The following IFITM1 variants were observed in gnomAD, a reference collection of about 807,000 sequenced individuals.
The protein encoded by IFITM1 is interferon induced transmembrane protein 1.
Under a neutral mutation model 4.0 loss-of-function variants are expected in IFITM1, and 1 was observed. The ratio of observed to expected loss-of-function variants is 0.25; its 90% CI spans 0.09 to 1.18. The LOEUF is 1.18. Among genes scored for constraint, IFITM1 ranks in the 50% most tolerant of loss-of-function variants. The probability of loss-of-function intolerance (pLI) is 0.50; values close to 1 mark genes in which losing one functional copy is unlikely to be tolerated. For synonymous variants in IFITM1, 79 were observed against 69.7 expected (o/e 1.13, Z -0.67); for missense variants, 131 against 163.2 (o/e 0.80, Z 1.08).
Position 315,161 on chromosome 11 carries a change from C to T in IFITM1, c.*48C>T, listed in dbSNP as rs1034069442. The T allele has an allele frequency of 6.3e-7, 1 of 1,584,176 alleles. No homozygotes were observed. Among genetic ancestry groups the T allele is most frequent in the African/African-American group, 1.3e-5 (1 of 74,428 alleles). ...TTTGCACTCCACTGTGCAATGCTGGCCCTGCACGCTGGGGCTGTTGCCCCT... is the reference window on the plus strand; with the variant it reads ...TTTGCACTCCACTGTGCAATGCTGGTCCTGCACGCTGGGGCTGTTGCCCCT... On this transcript the variant is annotated 3_prime_UTR_variant, in exon 2 of 2. Coordinates refer to ENST00000408968, the MANE Select transcript of IFITM1 (RefSeq NM_003641.5).
chr11:314,270 C>T lies in IFITM1; in HGVS notation c.100C>T (p.Pro34Ser), dbSNP rs377178214. Reference sequence around the variant, plus strand: ...CAACATCCACAGCGAGACCTCCGTGCCCGACCATGTCGTCTGGTCCCTGTT... The same window carrying T: ...CAACATCCACAGCGAGACCTCCGTGTCCGACCATGTCGTCTGGTCCCTGTT... ...VINIHSETSVPDHVVWSLFNT... is the reference protein window; with the variant it reads ...VINIHSETSVSDHVVWSLFNT... The change falls in exon 1 of 2, where the codon CCC becomes TCC. Residue 34 changes from proline (P) to serine (S), a missense_variant. Around this residue, in one of 3 missense-constraint regions of IFITM1, gnomAD observed 77 missense variants for 80.1 expected, o/e 0.96. Transcript: ENST00000408968. This position sits in a 1 kb window ranked among gnomAD's most constrained non-coding sequence, Gnocchi z 4.5. 6.2e-7 allele frequency: 1 copy of T among 1,613,940 alleles called. No individual in the cohort carries two copies. Among genetic ancestry groups the T allele is most frequent in the African/African-American group, 1.3e-5 (1 of 75,020 alleles).
Position 314,079 on chromosome 11 carries a change from C to G in IFITM1, c.-92C>G. The G allele has an allele frequency of 9.0e-7, 1 of 1,105,714 alleles. No homozygotes were observed. The allele number at this position is 1,105,714 out of a possible 1,614,324, so 68.5% of individuals were successfully genotyped here. On this transcript the variant is annotated 5_prime_UTR_variant, in exon 1 of 2. Transcript: ENST00000408968. The surrounding 1 kb of genome is among the most constrained non-coding windows in gnomAD (Gnocchi z 4.5). ...AAGGAGGTCTCACTGAGCACCGTCC[C>G]AGCATCCGGACACCACAGCGGCCCT... is the stretch of plus-strand genomic sequence containing the variant.
chr11:314,765 CAGA>C lies in IFITM1; in HGVS notation c.187-154_187-152del, dbSNP rs917926901. 2.0e-5 allele frequency among the ~76,000 whole-genome samples: 3 copies of C among 152,228 alleles called. No individual in the cohort carries two copies. The highest frequency in any genetic ancestry group is 7.2e-5 in the African/African-American group (3 of 41,460). On this transcript the variant is annotated intron_variant, in intron 1 of 1. Transcript: ENST00000408968. This position sits in a 1 kb window ranked among gnomAD's most constrained non-coding sequence, Gnocchi z 4.5. Reference sequence around the variant, plus strand: ...AGAACAGCCTGTGCTGGGGCCAAGGCAGAAGGAGGATGAGCCCCGAGGCTCCTG... The same window carrying C: ...AGAACAGCCTGTGCTGGGGCCAAGGCAGGAGGATGAGCCCCGAGGCTCCTG...
rs767903342 is a variant in IFITM1 at position 314,360 on chromosome 11, C to T, written c.186+4C>T. On this transcript the variant is annotated splice_donor_region_variant and intron_variant, in intron 1 of 1. Transcript: ENST00000408968. This position sits in a 1 kb window ranked among gnomAD's most constrained non-coding sequence, Gnocchi z 4.5. ...AGCATTCGCCTACTCCGTGAAGGTGCGTATGGCCCTGGCGGAAATCCAGGG... is the reference window on the plus strand; with the variant it reads ...AGCATTCGCCTACTCCGTGAAGGTGTGTATGGCCCTGGCGGAAATCCAGGG... 2.0e-5 allele frequency: 32 copies of T among 1,613,676 alleles called. No homozygotes were observed. The highest frequency in any genetic ancestry group is 3.3e-4 in the Middle Eastern group (2 of 6,078).
chr11:314,431 G>A lies in IFITM1; in HGVS notation c.186+75G>A. The stretch of plus-strand genomic sequence containing the variant: ...TCCACCTGCCCACATGCTGCCTGGG[G>A]TGGGGACTTGTGTGTCCCTGTGACT... On this transcript the variant is annotated intron_variant, in intron 1 of 1. Transcript: ENST00000408968. The surrounding 1 kb of genome is among the most constrained non-coding windows in gnomAD (Gnocchi z 4.5). 1 of 1,543,192 alleles carries A rather than the reference G, an allele frequency of 6.5e-7. No homozygotes were observed. The highest frequency in any genetic ancestry group is 8.9e-7 in the Non-Finnish European group (1 of 1,119,966).
chr11:315,143 T>C lies in IFITM1; in HGVS notation c.*30T>C. ...CGCCCATAGCCTGCAACCTTTGCAC[T>C]CCACTGTGCAATGCTGGCCCTGCAC... On this transcript the variant is annotated 3_prime_UTR_variant, in exon 2 of 2. Coordinates refer to ENST00000408968, the MANE Select transcript of IFITM1 (RefSeq NM_003641.5). The C allele has an allele frequency of 6.2e-7, 1 of 1,602,952 alleles. No homozygotes were observed. Among genetic ancestry groups the C allele is most frequent in the Non-Finnish European group, 8.5e-7 (1 of 1,170,686 alleles).
chr11:314,176 C>T lies in IFITM1; in HGVS notation c.6C>T (p.His2=), dbSNP rs1412725535. M[H]KEEHEVAVLG... ...TCCTTCCCCAAAGCCAGAAGATGCA[C>T]AAGGAGGAACATGAGGTGGCTGTGC... The change falls in exon 1 of 2, where the codon CAC becomes CAT. Residue 2 remains histidine, a synonymous_variant. Coordinates refer to ENST00000408968, the MANE Select transcript of IFITM1 (RefSeq NM_003641.5). The surrounding 1 kb of genome is among the most constrained non-coding windows in gnomAD (Gnocchi z 4.5). 1 of 1,613,782 alleles carries T rather than the reference C, an allele frequency of 6.2e-7. No individual in the cohort carries two copies. Among genetic ancestry groups the T allele is most frequent in the East Asian group, 2.2e-5 (1 of 44,894 alleles).
chr11:314,805 C>T lies in IFITM1; in HGVS notation c.187-117C>T, dbSNP rs919986256. 1.4e-6 allele frequency: 2 copies of T among 1,468,226 alleles called. No homozygotes were observed. The highest frequency in any genetic ancestry group is 9.4e-7 in the Non-Finnish European group (1 of 1,068,676). The allele number at this position is 1,468,226 out of a possible 1,614,324, so 90.9% of individuals were successfully genotyped here. ...CCCCGAGGCTCCTGGAGAGTCTGAGCCCGGGTGAGGAAGGGGAGGAGGTGG... is the reference window on the plus strand; with the variant it reads ...CCCCGAGGCTCCTGGAGAGTCTGAGTCCGGGTGAGGAAGGGGAGGAGGTGG... On this transcript the variant is annotated intron_variant, in intron 1 of 1. Coordinates refer to ENST00000408968, the MANE Select transcript of IFITM1 (RefSeq NM_003641.5). This position sits in a 1 kb window ranked among gnomAD's most constrained non-coding sequence, Gnocchi z 4.5.
chr11:314,817 A>AGG lies in IFITM1; in HGVS notation c.187-102_187-101dup, dbSNP rs1846036690. The AGG allele has an allele frequency of 6.5e-7, 1 of 1,527,728 alleles. No individual in the cohort carries two copies. Among genetic ancestry groups the AGG allele is most frequent in the Non-Finnish European group, 8.9e-7 (1 of 1,117,836 alleles). The allele number at this position is 1,527,728 out of a possible 1,614,324, so 94.6% of individuals were successfully genotyped here. ...TGGAGAGTCTGAGCCCGGGTGAGGAAGGGGAGGAGGTGGTCCCTGATCTCA... is the reference window on the plus strand; with the variant it reads ...TGGAGAGTCTGAGCCCGGGTGAGGAAGGGGGGAGGAGGTGGTCCCTGATCTCA... On this transcript the variant is annotated intron_variant, in intron 1 of 1. Coordinates refer to ENST00000408968, the MANE Select transcript of IFITM1 (RefSeq NM_003641.5). This position sits in a 1 kb window ranked among gnomAD's most constrained non-coding sequence, Gnocchi z 4.5.
In IFITM1 at chr11:314,341, C is replaced by T. The variant is rs375848489; in HGVS notation, c.171C>T (p.Phe57=). 86 of 1,613,966 alleles carry T rather than the reference C, an allele frequency of 5.3e-5. No homozygotes were observed. In the Admixed American group the frequency reaches 6.0e-4, roughly 11 times the overall value. ...GGTGCTGTCTGGGCTTCATAGCATT[C>T]GCCTACTCCGTGAAGGTGCGTATGG... ...LNWCCLGFIA[F]AYSVKSRDRK... The change falls in exon 1 of 2, where the codon TTC becomes TTT. Residue 57 remains phenylalanine, a synonymous_variant. Coordinates refer to ENST00000408968, the MANE Select transcript of IFITM1 (RefSeq NM_003641.5). This position sits in a 1 kb window ranked among gnomAD's most constrained non-coding sequence, Gnocchi z 4.5.
In IFITM1 at chr11:315,088, T is replaced by A. The variant is rs1191535416; in HGVS notation, c.353T>A (p.Ile118Lys). The change falls in exon 2 of 2, where the codon ATA (isoleucine) becomes AAA (lysine). Residue 118 changes from isoleucine to lysine, a missense_variant. Around this residue, in one of 3 missense-constraint regions of IFITM1, gnomAD observed 35 missense variants for 30.1 expected, o/e 1.16. Coordinates refer to ENST00000408968, the MANE Select transcript of IFITM1 (RefSeq NM_003641.5). The stretch of plus-strand genomic sequence containing the variant: ...ACAGTCTACCATATTATGTTACAGA[T>A]AATACAGGAAAAACGGGGTTACTAG... Reference protein sequence around the residue: ...SVTVYHIMLQIIQEKRGY With the variant: ...SVTVYHIMLQKIQEKRGY 2 of 1,614,128 alleles carry A rather than the reference T, an allele frequency of 1.2e-6. No homozygotes were observed. The highest frequency in any genetic ancestry group is 1.7e-6 in the Non-Finnish European group (2 of 1,179,978).
Position 314,095 on chromosome 11 carries a change from C to G in IFITM1, c.-76C>G. The G allele has an allele frequency of 7.4e-7, 1 of 1,347,176 alleles. No homozygotes were observed. The highest frequency in any genetic ancestry group is 1.1e-6 in the Non-Finnish European group (1 of 944,480). 83.5% of individuals were successfully genotyped at this position (1,347,176 alleles called of 1,614,324 possible). A position where few individuals can be genotyped will look rare whatever the true frequency, so the allele number is the denominator to read the frequency against. ...GCACCGTCCCAGCATCCGGACACCA[C>G]AGCGGCCCTTCGCTCCACGCAGAAA... is the stretch of plus-strand genomic sequence containing the variant. On this transcript the variant is annotated 5_prime_UTR_variant, in exon 1 of 2. Transcript: ENST00000408968. The surrounding 1 kb of genome is among the most constrained non-coding windows in gnomAD (Gnocchi z 4.5).
rs368876830 is a variant in IFITM1, at chr11:314,350, C to T, written c.180C>T (p.Ser60=). The T allele has an allele frequency of 1.7e-5, 27 of 1,613,834 alleles. No individual in the cohort carries two copies. The South Asian group carries it at 1.9e-4, about 11-fold the overall frequency. Reference sequence around the variant, plus strand: ...TGGGCTTCATAGCATTCGCCTACTCCGTGAAGGTGCGTATGGCCCTGGCGG... The same window carrying T: ...TGGGCTTCATAGCATTCGCCTACTCTGTGAAGGTGCGTATGGCCCTGGCGG... ...CCLGFIAFAY[S]VKSRDRKMVG... Residue 60 remains serine, a synonymous_variant, in exon 1 of 2, where the codon TCC becomes TCT. Transcript: ENST00000408968. This position sits in a 1 kb window ranked among gnomAD's most constrained non-coding sequence, Gnocchi z 4.5.
rs1467766631 is a variant in IFITM1, at chr11:314,203, G to A, written c.33G>A (p.Leu11=). The stretch of plus-strand genomic sequence containing the variant: ...AGGAGGAACATGAGGTGGCTGTGCT[G>A]GGGCCACCCCCCAGCACCATCCTTC... MHKEEHEVAV[L]GPPPSTILPR... Residue 11 remains leucine (L), a synonymous_variant, in exon 1 of 2, where the codon CTG becomes CTA. Coordinates refer to ENST00000408968, the MANE Select transcript of IFITM1 (RefSeq NM_003641.5). This position sits in a 1 kb window ranked among gnomAD's most constrained non-coding sequence, Gnocchi z 4.5. 1 of 1,614,032 alleles carries A rather than the reference G, an allele frequency of 6.2e-7. No homozygotes were observed. The highest frequency in any genetic ancestry group is 8.5e-7 in the Non-Finnish European group (1 of 1,179,962).
Position 314,885 on chromosome 11 carries a change from G to A in IFITM1, c.187-37G>A. The A allele has an allele frequency of 6.2e-7, 1 of 1,607,868 alleles. No individual in the cohort carries two copies. The highest frequency in any genetic ancestry group is 8.5e-7 in the Non-Finnish European group (1 of 1,177,158). ...AGCCATAGCACGCGGCTCTCAGCTG[G>A]GGGATCCTGGTCCCCTCACCATCTC... On this transcript the variant is annotated intron_variant, in intron 1 of 1. Coordinates refer to ENST00000408968, the MANE Select transcript of IFITM1 (RefSeq NM_003641.5). This position sits in a 1 kb window ranked among gnomAD's most constrained non-coding sequence, Gnocchi z 4.5.
In IFITM1 at chr11:314,856, A is replaced by C. The variant is rs1235616196; in HGVS notation, c.187-66A>C. 67 of 1,603,404 alleles carry C rather than the reference A, an allele frequency of 4.2e-5. No individual in the cohort carries two copies. In the Admixed American group the frequency reaches 5.4e-4, roughly 13 times the overall value. Reference sequence around the variant, plus strand: ...TCCCTGATCTCAGGGCGGGGAGGAGACGGAGCCATAGCACGCGGCTCTCAG... The same window carrying C: ...TCCCTGATCTCAGGGCGGGGAGGAGCCGGAGCCATAGCACGCGGCTCTCAG... On this transcript the variant is annotated intron_variant, in intron 1 of 1. Transcript: ENST00000408968. This position sits in a 1 kb window ranked among gnomAD's most constrained non-coding sequence, Gnocchi z 4.5.
Position 314,200 on chromosome 11 carries a change from G to A in IFITM1, c.30G>A (p.Val10=), listed in dbSNP as rs774809880. 4 of 1,613,914 alleles carry A rather than the reference G, an allele frequency of 2.5e-6. No individual in the cohort carries two copies. The highest frequency in any genetic ancestry group is 2.7e-5 in the African/African-American group (2 of 74,892). ...ACAAGGAGGAACATGAGGTGGCTGT[G>A]CTGGGGCCACCCCCCAGCACCATCC... MHKEEHEVA[V]LGPPPSTILP... The change falls in exon 1 of 2, where the codon GTG becomes GTA. Residue 10 remains valine (V), a synonymous_variant. Coordinates refer to ENST00000408968, the MANE Select transcript of IFITM1 (RefSeq NM_003641.5). This position sits in a 1 kb window ranked among gnomAD's most constrained non-coding sequence, Gnocchi z 4.5.
rs931369765 is a variant in IFITM1, at chr11:314,936, G to T, written c.201G>T (p.Lys67Asn). The change falls in exon 2 of 2, where the codon AAG becomes AAT. Residue 67 changes from lysine to asparagine, a missense_variant. Lys to Asn is a moderately conservative substitution (Grantham distance 94, BLOSUM62 0). Coordinates refer to ENST00000408968, the MANE Select transcript of IFITM1 (RefSeq NM_003641.5). This position sits in a 1 kb window ranked among gnomAD's most constrained non-coding sequence, Gnocchi z 4.5. Reference sequence around the variant, plus strand: ...CTCTCCCCCAGTCTAGGGACAGGAAGATGGTTGGCGACGTGACCGGGGCCC... The same window carrying T: ...CTCTCCCCCAGTCTAGGGACAGGAATATGGTTGGCGACGTGACCGGGGCCC... Reference protein sequence around the residue: ...FAYSVKSRDRKMVGDVTGAQA... With the variant: ...FAYSVKSRDRNMVGDVTGAQA... 1.2e-6 allele frequency: 2 copies of T among 1,613,286 alleles called. No homozygotes were observed. Among genetic ancestry groups the T allele is most frequent in the South Asian group, 1.1e-5 (1 of 91,042 alleles).
Position 315,046 on chromosome 11 carries a change from T to G in IFITM1, c.311T>G (p.Leu104Arg). 3.1e-6 allele frequency: 5 copies of G among 1,614,198 alleles called. No individual in the cohort carries two copies. The highest frequency in any genetic ancestry group is 4.2e-6 in the Non-Finnish European group (5 of 1,180,014). ...ILMTIGFILL[L>R]VFGSVTVYHI... ...ATGACCATTGGATTCATCCTGTTAC[T>G]GGTATTCGGCTCTGTGACAGTCTAC... The change falls in exon 2 of 2, where the codon CTG becomes CGG. Residue 104 changes from leucine (L) to arginine (R), a missense_variant. Around this residue, in one of 3 missense-constraint regions of IFITM1, gnomAD observed 35 missense variants for 30.1 expected, o/e 1.16. Transcript: ENST00000408968.
Sources: allele counts gnomAD v4.1 joint callset (sites outside exome capture counted in the v4.1 genomes callset), GRCh38; gene constraint gnomAD v4.1.1; regional missense constraint gnomAD v4.1.1; non-coding constraint Gnocchi (gnomAD v3.1); transcripts MANE v1.5; gene names NCBI Gene and HGNC (gene_info 2026-07-23, HGNC 2026-07-21).